Variants in PTTG1IP observed in about 807,000 individuals in gnomAD.
PTTG1IP encodes PTTG1 interacting protein, also known as pituitary tumor-transforming gene 1 protein-interacting protein.
In PTTG1IP, 16 loss-of-function variants were observed where a neutral mutation model predicts 24.4. That is an observed-to-expected ratio of 0.66 (90% confidence interval 0.44 to 1.00). PTTG1IP has a LOEUF of 1.00. Ranked by LOEUF, PTTG1IP falls within the 50% of genes least tolerant of loss-of-function variation. The pLI is 0.00. For synonymous variants in PTTG1IP, 89 were observed against 96.8 expected (o/e 0.92, Z 0.47); for missense variants, 241 against 245.8 (o/e 0.98, Z 0.13).
chr21:44,858,388 C>T (rs1349523458), intron 3 of PTTG1IP, among the ~76,000 whole-genome samples: 1 of 152,226 alleles, frequency 6.6e-6, no homozygotes, highest in Non-Finnish European at 1.5e-5. Flanking sequence ...CCGGCCACAA[C>T]TGCTCCTCCC....
chr21:44,857,084 T>C (rs1321877283), intron 3 of PTTG1IP, among the ~76,000 whole-genome samples: 1 of 152,222 alleles, frequency 6.6e-6, no homozygotes, highest in African/African-American at 2.4e-5. Context: ...GATCTATACA[T>C]TGAAATCAGC....
At chr21:44,868,041 T>C (rs747988272) in intron 1 of PTTG1IP, among the ~76,000 whole-genome samples, 19 of 152,250 alleles carry the variant, frequency 1.2e-4, no homozygotes, top group Non-Finnish European at 2.2e-4. Context: ...GATGTGCTAT[T>C]CGGTTTATGG....
At chr21:44,859,540 T>C (rs973537004) in intron 3 of PTTG1IP, among the ~76,000 whole-genome samples, 2 of 152,322 alleles carry the variant, frequency 1.3e-5, no homozygotes, top group African/African-American at 4.8e-5. Flanking sequence ...TTCAGATGTG[T>C]GCACTTCATG....
chr21:44,869,812 C>G (rs1254979899), intron 1 of PTTG1IP, among the ~76,000 whole-genome samples: 3 of 152,190 alleles, frequency 2.0e-5, no homozygotes, highest in South Asian at 2.1e-4. Context: ...CACACCCACT[C>G]GAGTCCTTCC....
Position 44,849,990 on chromosome 21 carries a change from G to A in PTTG1IP, c.*1591C>T, listed in dbSNP as rs2083399622. 6.6e-6 allele frequency: 1 copy of A among 152,202 alleles called. No homozygotes were observed. The highest frequency in any genetic ancestry group is 2.4e-5 in the African/African-American group (1 of 41,438). The allele number at this position is 152,202 out of a possible 1,614,324, so 9.4% of individuals were successfully genotyped here. A position where few individuals can be genotyped will look rare whatever the true frequency, so the allele number is the denominator to read the frequency against. ...CAAATACAAATGCCCAAGAGGTCAG[G>A]GAAATCAGCCTGAAGAACTGGGTAC... On this transcript the variant is annotated 3_prime_UTR_variant, in exon 6 of 6. Coordinates refer to ENST00000330938, the MANE Select transcript of PTTG1IP (RefSeq NM_004339.4).
chr21:44,867,834 T>C (rs989284362), intron 1 of PTTG1IP, among the ~76,000 whole-genome samples: 4 of 152,234 alleles, frequency 2.6e-5, no homozygotes, highest in African/African-American at 7.2e-5. Context: ...CAGCTTTAAC[T>C]TACAATTTCA....
intron 3 of PTTG1IP, among the ~76,000 whole-genome samples, chr21:44,857,413 G>A (rs544360487): frequency 5.9e-5 from 9 of 152,296 alleles, no homozygotes; most frequent in African/African-American, 2.2e-4. Context: ...CTTGAGCTTG[G>A]GAGGTTGAGG....
At chr21:44,865,535 G>C (rs1000142997) in intron 1 of PTTG1IP, 88 bp from the exon 2 acceptor site, 71 of 1,350,990 alleles carry the variant, frequency 5.3e-5, no homozygotes, top group Non-Finnish European at 7.3e-5. Flanking sequence ...GCACCAGTGA[G>C]GGGTGTGGCA....
Position 44,865,377 on chromosome 21 carries a change from A to G in PTTG1IP, c.168+18T>C. 6.2e-7 allele frequency: 1 copy of G among 1,613,388 alleles called. No individual in the cohort carries two copies. Among genetic ancestry groups the G allele is most frequent in the Middle Eastern group, 1.7e-4 (1 of 6,060 alleles). On this transcript the variant is annotated intron_variant, in intron 2 of 5. Transcript: ENST00000330938. The stretch of plus-strand genomic sequence containing the variant: ...CGGTCTGGACGGCACTCTGGTCTCT[A>G]GTCCACGTGCTACTTACGGAGACGT...
At chr21:44,852,847 C>A (rs17004709) in intron 5 of PTTG1IP, among the ~76,000 whole-genome samples, 4,619 of 152,280 alleles carry the variant, frequency 0.03, 251 homozygotes, top group African/African-American at 0.1. Flanking sequence ...GGTGGACTCA[C>A]ATGCTTTCTC....
chr21:44,861,646 TG>T (rs2083493024), intron 2 of PTTG1IP: 1 of 705,212 alleles, frequency 1.4e-6, no homozygotes, highest in South Asian at 1.5e-5. Flanking sequence ...CCCACATCTG[TG>T]TGGCTCCCCA....
chr21:44,869,435 A>G (rs917845590), intron 1 of PTTG1IP, among the ~76,000 whole-genome samples: 2 of 152,218 alleles, frequency 1.3e-5, no homozygotes, highest in Non-Finnish European at 2.9e-5. Flanking sequence ...AACAACAGGC[A>G]ACACAATTAT....
Position 44,861,240 on chromosome 21 carries a change from A to C in PTTG1IP, c.200T>G (p.Leu67Arg), listed in dbSNP as rs763445809. Residue 67 changes from leucine (L) to arginine (R), a missense_variant, in exon 3 of 6, where the codon CTG (leucine) becomes CGG (arginine). Leu to Arg is a moderately radical substitution (Grantham distance 102, BLOSUM62 -2). Coordinates refer to ENST00000330938, the MANE Select transcript of PTTG1IP (RefSeq NM_004339.4). Reference protein sequence around the residue: ...CLWCNTNKACLDYPVTSVLPP... With the variant: ...CLWCNTNKACRDYPVTSVLPP... ...CAAGACGCTTGTAACTGGGTAGTCC[A>C]GACAAGCCTTGTTAGTGTTGCACCA... is the stretch of plus-strand genomic sequence containing the variant. 1 of 1,614,108 alleles carries C rather than the reference A, an allele frequency of 6.2e-7. No homozygotes were observed.
intron 2 of PTTG1IP, 72 bp from the exon 3 acceptor site, chr21:44,861,343 C>T (rs914240952): frequency 3.1e-6 from 4 of 1,283,690 alleles, no homozygotes; most frequent in African/African-American, 3.0e-5. Context: ...GCTCTGCCCA[C>T]AGCCCGCCAG....
chr21:44,856,251 T>C lies in PTTG1IP; in HGVS notation c.391A>G (p.Arg131Gly), dbSNP rs2083448780. ...CRRKRSRKPDRSEEKAMRERE... is the reference protein window; with the variant it reads ...CRRKRSRKPDGSEEKAMRERE... ...TCACGCATGGCCTTCTCCTCACTCC[T>C]GTCCGGCTTCCGGCTCCTCTTCCTC... Residue 131 changes from arginine (R) to glycine (G), a missense_variant, in exon 4 of 6, where the codon AGG becomes GGG. Arg to Gly is a moderately radical substitution (Grantham distance 125). Coordinates refer to ENST00000330938, the MANE Select transcript of PTTG1IP (RefSeq NM_004339.4). 2 of 1,614,158 alleles carry C rather than the reference T, an allele frequency of 1.2e-6. No individual in the cohort carries two copies. The highest frequency in any genetic ancestry group is 1.7e-5 in the Admixed American group (1 of 60,022).
chr21:44,854,684 T>A (rs2083435659), intron 5 of PTTG1IP, among the ~76,000 whole-genome samples: 1 of 152,214 alleles, frequency 6.6e-6, no homozygotes, highest in Non-Finnish European at 1.5e-5. Flanking sequence ...GCAAATACAT[T>A]CATTCTGGCT....
intron 3 of PTTG1IP, 116 bp from the exon 4 acceptor site, chr21:44,856,480 G>C (rs2146456157): frequency 8.4e-7 from 1 of 1,188,852 alleles, no homozygotes; most frequent in Non-Finnish European, 1.2e-6. Context: ...AAGGAGGAAA[G>C]CCGCCTCGGC....
At chr21:44,855,099 C>G (rs2083438731) in intron 5 of PTTG1IP, 111 bp downstream of exon 5, 2 of 1,172,198 alleles carry the variant, frequency 1.7e-6, no homozygotes, top group Non-Finnish European at 2.5e-6. Context: ...TCCTTCTGTT[C>G]CGATGGGTGA....
intron 2 of PTTG1IP, among the ~76,000 whole-genome samples, chr21:44,864,570 T>C (rs898895430): frequency 1.3e-5 from 2 of 152,226 alleles, no homozygotes; most frequent in African/African-American, 4.8e-5. Context: ...CTAATTGTTT[T>C]GTATTTTTAG....
Sources: gnomAD v4.1 joint callset for allele counts (sites outside exome capture counted in the v4.1 genomes callset) on GRCh38, gnomAD v4.1.1 for gene constraint, MANE v1.5 for transcripts, NCBI Gene and HGNC (gene_info 2026-07-23, HGNC 2026-07-21) for gene names.